The following PI4KA variants were observed in gnomAD, a reference collection of about 807,000 sequenced individuals.
PI4KA encodes PI4-kinase alpha.
A neutral mutation model predicts 271.4 loss-of-function variants in PI4KA; 122 were observed. That is an observed-to-expected ratio of 0.45 (90% CI 0.39 to 0.52). PI4KA has a LOEUF of 0.52. PI4KA is among the 20% of genes least tolerant of loss of function. The pLI is 0.00. For missense variants in PI4KA, 1,969 were observed against 2,769.1 expected, an observed-to-expected ratio of 0.71 and a Z score of 6.48; for synonymous variants, 1,041 against 1,078.8, an observed-to-expected ratio of 0.96 and a Z score of 0.69.
intron 45 of PI4KA, among the ~76,000 whole-genome samples, chr22:20,716,265 T>C (rs1347095338): frequency 6.6e-6 from 1 of 152,192 alleles, no homozygotes; most frequent in Admixed American, 6.5e-5. Context: ...TTAGCCAGGA[T>C]GGTCTTGATC....
At chr22:20,769,305 G>C (rs192770367) in intron 19 of PI4KA, among the ~76,000 whole-genome samples, 2 of 152,102 alleles carry the variant, frequency 1.3e-5, no homozygotes, top group Admixed American at 1.3e-4. Context: ...TGACTTCTCC[G>C]AGCCTGCTGG....
At chr22:20,831,371 A>T (rs1469508313) in intron 3 of PI4KA, among the ~76,000 whole-genome samples, 1 of 152,108 alleles carries the variant, frequency 6.6e-6, no homozygotes, top group Non-Finnish European at 1.5e-5. Context: ...GTTCAAGACC[A>T]GCCTAGTCAA....
At chr22:20,847,957 G>C (rs1188116647) in intron 1 of PI4KA, among the ~76,000 whole-genome samples, 1 of 152,096 alleles carries the variant, frequency 6.6e-6, no homozygotes. Context: ...GGCAATACAG[G>C]CCGAGCACAG....
chr22:20,804,746 C>A (rs1045078185), intron 11 of PI4KA, among the ~76,000 whole-genome samples: 1 of 152,250 alleles, frequency 6.6e-6, no homozygotes, highest in African/African-American at 2.4e-5. Context: ...AGGCCACGGG[C>A]ATCCCCATCC....
chr22:20,805,211 A>T (rs757611341), intron 10 of PI4KA, 46 bp from the exon 11 acceptor site: 1 of 1,363,898 alleles, frequency 7.3e-7, no homozygotes, highest in Non-Finnish European at 1.0e-6. Context: ...AAACTACAGT[A>T]GAACACAGGC....
chr22:20,760,054 A>T (rs1387792634), intron 23 of PI4KA, among the ~76,000 whole-genome samples: 2 of 152,202 alleles, frequency 1.3e-5, no homozygotes, highest in Non-Finnish European at 2.9e-5. Flanking sequence ...TAATTTCTCC[A>T]TAAGCAAGAA....
chr22:20,714,461 C>G lies in PI4KA; in HGVS notation c.5458G>C (p.Glu1820Gln). ...KRCGVSELEK[E>Q]GLRCRSDSED... is the part of the protein sequence containing the mutation. Reference sequence around the variant, plus strand: ...AAAATCAGGGTTCTTTACTGACCTTCTTTTTCAAGTTCACTAACTCCACAT... The same window carrying G: ...AAAATCAGGGTTCTTTACTGACCTTGTTTTTCAAGTTCACTAACTCCACAT... Residue 1820 changes from glutamate (E) to glutamine (Q), a missense_variant, in exon 47 of 55, where the codon GAA becomes CAA. Around this residue, in one of 13 missense-constraint regions of PI4KA, gnomAD observed 388 missense variants for 521.5 expected, o/e 0.74. Coordinates refer to ENST00000255882, the MANE Select transcript of PI4KA (RefSeq NM_058004.4). The G allele has an allele frequency of 1.2e-6, 2 of 1,610,770 alleles. No homozygotes were observed. Among genetic ancestry groups the G allele is most frequent in the Middle Eastern group, 1.7e-4 (1 of 6,040 alleles).
At chr22:20,771,006 C>G (rs532868406) in intron 19 of PI4KA, among the ~76,000 whole-genome samples, 1 of 151,944 alleles carries the variant, frequency 6.6e-6, no homozygotes, top group Non-Finnish European at 1.5e-5. Flanking sequence ...ATAGTGAGAC[C>G]CCGCTTTTTT....
chr22:20,723,365 A>G (rs1260460697), intron 42 of PI4KA, among the ~76,000 whole-genome samples: 2 of 152,050 alleles, frequency 1.3e-5, no homozygotes, highest in African/African-American at 4.8e-5. Flanking sequence ...ATGTATATAC[A>G]TTTGTATTGC....
chr22:20,724,303 CT>C (rs892705388), intron 42 of PI4KA, among the ~76,000 whole-genome samples: 18 of 145,946 alleles, frequency 1.2e-4, no homozygotes, highest in African/African-American at 4.3e-4. Flanking sequence ...GAAACTCTGT[CT>C]AAAAAAAAAA....
chr22:20,826,598 C>T (rs1475431287), intron 3 of PI4KA, among the ~76,000 whole-genome samples: 1 of 152,188 alleles, frequency 6.6e-6, no homozygotes, highest in Admixed American at 6.5e-5. Flanking sequence ...AATGGTAATC[C>T]TGTTTTAAAT....
chr22:20,782,558 A>C (rs1286357381), intron 19 of PI4KA, among the ~76,000 whole-genome samples: 1 of 152,246 alleles, frequency 6.6e-6, no homozygotes, highest in Non-Finnish European at 1.5e-5. Context: ...CACAATAAAC[A>C]GAGGCAGGCT....
At chr22:20,791,041 A>G (rs1437984368) in intron 19 of PI4KA, among the ~76,000 whole-genome samples, 1 of 152,178 alleles carries the variant, frequency 6.6e-6, no homozygotes, top group Admixed American at 6.5e-5. Flanking sequence ...ACGATCCCAC[A>G]TGTAGGACCA....
Position 20,824,330 on chromosome 22 carries a change from T to A in PI4KA, c.452A>T (p.Asp151Val). ...DVAYRDPSLR[D>V]EILEVLLQVL... ...AATCAACCAACACATGCTTACCTCA[T>A]CCCTAAGTGAAGGATCCCTATAGGC... The change falls in exon 4 of 55, where the codon GAT becomes GTT. Residue 151 changes from aspartate to valine, a missense_variant. Transcript: ENST00000255882. 6.2e-7 allele frequency: 1 copy of A among 1,602,698 alleles called. No homozygotes were observed. The highest frequency in any genetic ancestry group is 8.5e-7 in the Non-Finnish European group (1 of 1,169,776).
At position 20,790,738 on chromosome 22, in the gene PI4KA, AC is replaced by A. The variant is rs1315526643; in HGVS notation, c.2328+2454del. Among the ~76,000 whole-genome samples the A allele has an allele frequency of 2.1e-3, 303 of 147,390 alleles. 2 individuals carry two copies. The highest frequency in any genetic ancestry group is 7.7e-3 in the African/African-American group (300 of 39,064). ...CACACACACACACACACACACACAC[AC>A]ACAACAAAAAAAACCACCTCTGGAA... On this transcript the variant is annotated intron_variant, in intron 19 of 54. Coordinates refer to ENST00000255882, the MANE Select transcript of PI4KA (RefSeq NM_058004.4).
At chr22:20,743,847 G>T (rs780844667) in intron 30 of PI4KA, among the ~76,000 whole-genome samples, 31 of 152,104 alleles carry the variant, frequency 2.0e-4, no homozygotes, top group Non-Finnish European at 4.0e-4. Context: ...GAGGTCAGGA[G>T]ATCAAGACCG....
In PI4KA at chr22:20,820,755, A is replaced by G. The variant is rs138598249; in HGVS notation, c.457-144T>C. ...ACATCCCTCCACAACGACTGTGCCAAGTGGCCAACCAGCTGACTTTCCAGG... is the reference window on the plus strand; with the variant it reads ...ACATCCCTCCACAACGACTGTGCCAGGTGGCCAACCAGCTGACTTTCCAGG... On this transcript the variant is annotated intron_variant, in intron 4 of 54. Transcript: ENST00000255882. 405 of 628,860 alleles carry G rather than the reference A, an allele frequency of 6.4e-4. 1 individual carries two copies. In the East Asian group the frequency reaches 0.011, roughly 16 times the overall value. The allele number at this position is 628,860 out of a possible 1,614,324, so 39.0% of individuals were successfully genotyped here.
At chr22:20,719,766 C>A (rs2147198181) in intron 43 of PI4KA, among the ~76,000 whole-genome samples, 1 of 152,198 alleles carries the variant, frequency 6.6e-6, no homozygotes, top group South Asian at 2.1e-4. Flanking sequence ...GTGGCTCATG[C>A]CTGTAATCTC....
Position 20,849,590 on chromosome 22 carries a change from C to T in PI4KA, c.156+8980G>A, listed in dbSNP as rs1302602622. Among the ~76,000 whole-genome samples the T allele has an allele frequency of 2.6e-5, 4 of 152,280 alleles. 1 individual carries two copies. The South Asian group carries it at 6.2e-4, about 24-fold the overall frequency. ...CCATCATGGCAGGTGCAGTGGCTCA[C>T]ACCTGTAATCCCAGCACTTTGGGAG... On this transcript the variant is annotated intron_variant, in intron 1 of 54. Coordinates refer to ENST00000255882, the MANE Select transcript of PI4KA (RefSeq NM_058004.4).
Sources: gnomAD v4.1 joint callset for allele counts (sites outside exome capture counted in the v4.1 genomes callset) on GRCh38, gnomAD v4.1.1 for gene constraint, gnomAD v4.1.1 regional missense constraint, MANE v1.5 for transcripts, NCBI Gene and HGNC (gene_info 2026-07-23, HGNC 2026-07-21) for gene names.